Variants in PPM1B observed in about 807,000 individuals in gnomAD.
The protein encoded by PPM1B is protein phosphatase, Mg2+/Mn2+ dependent 1B.
PPM1B carries 22 observed loss-of-function variants against 43.0 expected under a neutral mutation model. The ratio of observed to expected loss-of-function variants is 0.51; its 90% CI spans 0.37 to 0.73. PPM1B has a LOEUF of 0.73. Among genes scored for constraint, PPM1B ranks in the 30% least tolerant of loss-of-function variants. PPM1B has a pLI of 0.00. For synonymous variants in PPM1B, 217 were observed against 197.9 expected, an observed-to-expected ratio of 1.10 and a Z score of -0.81; for missense variants, 632 against 584.2, an observed-to-expected ratio of 1.08 and a Z score of -0.84.
chr2:44,231,242 CTG>C lies in PPM1B; in HGVS notation c.*526_*527del. 2 of 979,542 alleles carry C rather than the reference CTG, an allele frequency of 2.0e-6. No homozygotes were observed. The highest frequency in any genetic ancestry group is 1.2e-6 in the Non-Finnish European group (1 of 824,624). 60.7% of individuals were successfully genotyped at this position (979,542 alleles called of 1,614,324 possible). On this transcript the variant is annotated 3_prime_UTR_variant, in exon 6 of 6. Coordinates refer to ENST00000282412, the MANE Select transcript of PPM1B (RefSeq NM_002706.6). ...TTTGATTTGTTTATATTTTACATCT[CTG>C]TAGTTTTATTTTTAGAAGTTGTGAG...
At chr2:44,186,934 C>T (rs913425393) in intron 1 of PPM1B, among the ~76,000 whole-genome samples, 1 of 152,204 alleles carries the variant, frequency 6.6e-6, no homozygotes, top group African/African-American at 2.4e-5. Flanking sequence ...TTTAAGTGTA[C>T]AGTTCCTATC....
At chr2:44,179,182 A>T (rs1196560059) in intron 1 of PPM1B, among the ~76,000 whole-genome samples, 1 of 152,154 alleles carries the variant, frequency 6.6e-6, no homozygotes, top group Non-Finnish European at 1.5e-5. Context: ...TCTATGTAAG[A>T]TGTGACCTGC....
At position 44,231,271 on chromosome 2, in the gene PPM1B, T is replaced by A; in HGVS notation, c.*553T>A. On this transcript the variant is annotated 3_prime_UTR_variant, in exon 6 of 6. Coordinates refer to ENST00000282412, the MANE Select transcript of PPM1B (RefSeq NM_002706.6). ...AGTTTTATTTTTAGAAGTTGTGAGA[T>A]ATTGGATGTGTGGCTATTTTTCCTT... The A allele has an allele frequency of 1.0e-6, 1 of 977,472 alleles. No individual in the cohort carries two copies. Among genetic ancestry groups the A allele is most frequent in the South Asian group, 4.7e-5 (1 of 21,126 alleles). 60.5% of individuals were successfully genotyped at this position (977,472 alleles called of 1,614,324 possible).
At chr2:44,227,388 C>T (rs1297014280) in intron 5 of PPM1B, among the ~76,000 whole-genome samples, 1 of 152,152 alleles carries the variant, frequency 6.6e-6, no homozygotes, top group East Asian at 1.9e-4. Flanking sequence ...AATAAAGTAT[C>T]TAGAACTCCC....
At chr2:44,243,058 C>T (rs949341773) in intron 5 of PPM1B, among the ~76,000 whole-genome samples, 41 of 151,954 alleles carry the variant, frequency 2.7e-4, no homozygotes, top group African/African-American at 9.9e-4. Context: ...TAGGGATTTC[C>T]CCCCCAAAAA....
At chr2:44,173,879 G>A (rs1667464093) in intron 1 of PPM1B, among the ~76,000 whole-genome samples, 1 of 152,204 alleles carries the variant, frequency 6.6e-6, no homozygotes, top group South Asian at 2.1e-4. Context: ...AGAGGTGAAG[G>A]TTGTAGTAAG....
At chr2:44,183,155 T>G (rs1046718273) in intron 1 of PPM1B, among the ~76,000 whole-genome samples, 1 of 152,224 alleles carries the variant, frequency 6.6e-6, no homozygotes, top group Non-Finnish European at 1.5e-5. Flanking sequence ...ACTTGGGTCT[T>G]ATAACAGTTT....
At chr2:44,183,358 C>T (rs1411086654) in intron 1 of PPM1B, among the ~76,000 whole-genome samples, 1 of 152,132 alleles carries the variant, frequency 6.6e-6, no homozygotes, top group African/African-American at 2.4e-5. Flanking sequence ...CCACATTTTG[C>T]CTTGAACATT....
intron 1 of PPM1B, among the ~76,000 whole-genome samples, chr2:44,195,060 T>C (rs1296396081): frequency 6.6e-6 from 1 of 151,700 alleles, no homozygotes; most frequent in African/African-American, 2.4e-5. Context: ...CCAGGGCTAA[T>C]TTTTGTATTT....
At chr2:44,225,110 A>T (rs1221160295) in intron 5 of PPM1B, among the ~76,000 whole-genome samples, 1 of 152,206 alleles carries the variant, frequency 6.6e-6, no homozygotes, top group African/African-American at 2.4e-5. Context: ...CACTTATAAA[A>T]ATGATAACTG....
intron 3 of PPM1B, among the ~76,000 whole-genome samples, chr2:44,215,166 A>G (rs1223542233): frequency 6.6e-6 from 1 of 152,224 alleles, no homozygotes; most frequent in Non-Finnish European, 1.5e-5. Context: ...CAGCCACTAC[A>G]AATCAATTTA....
chr2:44,243,471 G>T (rs551164384), intron 5 of PPM1B, among the ~76,000 whole-genome samples: 7 of 152,096 alleles, frequency 4.6e-5, no homozygotes, highest in African/African-American at 1.7e-4. Flanking sequence ...TATATCCTAA[G>T]TAAATATTTA....
At chr2:44,229,672 G>C (rs542276137) in intron 5 of PPM1B, among the ~76,000 whole-genome samples, 13 of 152,230 alleles carry the variant, frequency 8.5e-5, no homozygotes, top group Admixed American at 6.5e-5. Context: ...ATCATATCAA[G>C]AGGCACATAC....
downstream of PPM1B, chr2:44,233,454 AAATTC>A (rs2104283594): frequency 1.0e-6 from 1 of 983,930 alleles, no homozygotes; most frequent in South Asian, 4.7e-5. Context: ...TGCATGTATT[AAATTC>A]AATTAATGCT....
chr2:44,223,165 A>G (rs937390418), intron 5 of PPM1B, among the ~76,000 whole-genome samples: 2 of 152,178 alleles, frequency 1.3e-5, no homozygotes, highest in Admixed American at 6.5e-5. Flanking sequence ...TAAATATTTT[A>G]TAAAGTTGTT....
chr2:44,219,305 A>C (rs1669867298), intron 5 of PPM1B: 1 of 151,972 alleles, frequency 6.6e-6, no homozygotes. Context: ...TATATGCTTC[A>C]AAGCTTTAAG....
intron 1 of PPM1B, among the ~76,000 whole-genome samples, chr2:44,192,375 C>G (rs147428813): frequency 6.6e-6 from 1 of 151,838 alleles, no homozygotes; most frequent in African/African-American, 2.4e-5. Flanking sequence ...CAAACCATGC[C>G]CGGCTAATTT....
intron 1 of PPM1B, among the ~76,000 whole-genome samples, chr2:44,180,576 T>A (rs1667826231): frequency 6.6e-6 from 1 of 152,166 alleles, no homozygotes; most frequent in Admixed American, 6.5e-5. Flanking sequence ...AAAATTTAAC[T>A]AGGACATTCT....
intron 1 of PPM1B, among the ~76,000 whole-genome samples, chr2:44,197,926 G>A (rs1193238690): frequency 1.3e-5 from 2 of 152,024 alleles, no homozygotes; most frequent in Non-Finnish European, 2.9e-5. Flanking sequence ...TTTTCTAGTC[G>A]AAAGAGCAAC....
Sources: allele counts gnomAD v4.1 joint callset (sites outside exome capture counted in the v4.1 genomes callset), GRCh38; gene constraint gnomAD v4.1.1; transcripts MANE v1.5; gene names NCBI Gene and HGNC (gene_info 2026-07-23, HGNC 2026-07-21).